Variants in TMEM132D observed in about 807,000 individuals in gnomAD.
TMEM132D encodes the protein transmembrane protein 132D, also known as mature OL transmembrane protein.
Under a neutral mutation model 62.3 loss-of-function variants are expected in TMEM132D, and 21 were observed. The ratio of observed to expected loss-of-function variants is 0.34; its 90% confidence interval spans 0.24 to 0.49. The LOEUF is 0.49. Among genes scored for constraint, TMEM132D ranks in the 20% least tolerant of loss-of-function variants. The pLI, the probability that TMEM132D is intolerant of heterozygous loss-of-function variation, is 0.99. For synonymous variants in TMEM132D, 621 were observed against 575.6 expected (o/e 1.08, Z -1.13); for missense variants, 1,346 against 1,402.8 (o/e 0.96, Z 0.65).
intron 1 of TMEM132D, among the ~76,000 whole-genome samples, chr12:129,754,986 A>T (rs780745049): frequency 3.9e-5 from 6 of 152,200 alleles, no homozygotes; most frequent in Non-Finnish European, 5.9e-5. Context: ...ATATAAAAAA[A>T]TTTTCCAAAA....
intron 3 of TMEM132D, among the ~76,000 whole-genome samples, chr12:129,500,664 A>G (rs549862871): frequency 1.3e-5 from 2 of 152,296 alleles, no homozygotes; most frequent in South Asian, 2.1e-4. Flanking sequence ...AGGCACAATG[A>G]CCCGCTTTTC....
chr12:129,594,230 A>T (rs141495623), intron 2 of TMEM132D, among the ~76,000 whole-genome samples: 1 of 152,340 alleles, frequency 6.6e-6, no homozygotes, highest in African/African-American at 2.4e-5. Flanking sequence ...TTGGCTTAGC[A>T]ACCCCATAAG....
At chr12:129,269,126 G>A (rs10847823) in intron 4 of TMEM132D, among the ~76,000 whole-genome samples, 113,358 of 151,780 alleles carry the variant, frequency 0.75, 42,343 homozygotes, top group South Asian at 0.78. Context: ...ATATGTAACA[G>A]ACCTGCACGT....
intron 3 of TMEM132D, among the ~76,000 whole-genome samples, chr12:129,485,490 G>T (rs1874554849): frequency 6.6e-6 from 1 of 152,298 alleles, no homozygotes; most frequent in African/African-American, 2.4e-5. Context: ...GTCTGCCATT[G>T]CAAGACCCTA....
intron 3 of TMEM132D, among the ~76,000 whole-genome samples, chr12:129,364,849 AAC>A (rs2135676586): frequency 6.6e-6 from 1 of 152,316 alleles, no homozygotes; most frequent in Admixed American, 6.5e-5. Flanking sequence ...TGAAGGGAAA[AAC>A]AGTCTCACCT....
intron 3 of TMEM132D, among the ~76,000 whole-genome samples, chr12:129,437,284 C>T (rs1290846002): frequency 2.6e-5 from 4 of 152,144 alleles, no homozygotes; most frequent in African/African-American, 9.7e-5. Context: ...AGAGCCTCCC[C>T]ACCATCCTGG....
intron 5 of TMEM132D, among the ~76,000 whole-genome samples, chr12:129,164,710 A>G (rs1877490017): frequency 6.6e-6 from 1 of 152,100 alleles, no homozygotes; most frequent in Non-Finnish European, 1.5e-5. Flanking sequence ...TTATAAAACC[A>G]TCAGATCTCA....
chr12:129,118,126 C>T (rs959732909), intron 5 of TMEM132D, among the ~76,000 whole-genome samples: 3 of 152,182 alleles, frequency 2.0e-5, no homozygotes, highest in Admixed American at 2.0e-4. Context: ...ATGTTCTGTG[C>T]TTTTCCCCTA....
intron 4 of TMEM132D, among the ~76,000 whole-genome samples, chr12:129,292,824 G>C (rs1881482854): frequency 6.6e-6 from 1 of 152,176 alleles, no homozygotes; most frequent in Non-Finnish European, 1.5e-5. Context: ...CCTTTTCTTG[G>C]CTTTCGATTT....
intron 3 of TMEM132D, among the ~76,000 whole-genome samples, chr12:129,395,381 A>G (rs1871393825): frequency 6.6e-6 from 1 of 152,144 alleles, no homozygotes; most frequent in South Asian, 2.1e-4. Context: ...GGCATCCACA[A>G]TTAAATTAGA....
At chr12:129,719,039 C>G (rs1868704011) in intron 1 of TMEM132D, among the ~76,000 whole-genome samples, 1 of 150,392 alleles carries the variant, frequency 6.6e-6, no homozygotes, top group African/African-American at 2.5e-5. Context: ...GAGTTTGAGA[C>G]CAGCCTGGGA....
At chr12:129,547,262 A>G (rs10847901) in intron 2 of TMEM132D, among the ~76,000 whole-genome samples, 39,097 of 151,980 alleles carry the variant, frequency 0.26, 5,152 homozygotes, top group East Asian at 0.41. Context: ...TTCTAGAGAC[A>G]GGGTCTCACT....
intron 4 of TMEM132D, among the ~76,000 whole-genome samples, chr12:129,285,217 A>C (rs2135613638): frequency 6.6e-6 from 1 of 152,212 alleles, no homozygotes; most frequent in African/African-American, 2.4e-5. Flanking sequence ...AATCAACAGG[A>C]AGATGAGAGA....
At chr12:129,549,537 C>G (rs1458190054) in intron 2 of TMEM132D, among the ~76,000 whole-genome samples, 2 of 152,184 alleles carry the variant, frequency 1.3e-5, no homozygotes, top group Non-Finnish European at 2.9e-5. Flanking sequence ...GTAAGACGTG[C>G]CTTTACTCCT....
At chr12:129,150,400 C>T (rs1877037591) in intron 5 of TMEM132D, among the ~76,000 whole-genome samples, 1 of 152,158 alleles carries the variant, frequency 6.6e-6, no homozygotes, top group African/African-American at 2.4e-5. Context: ...TACAAATCAT[C>T]TTTATAATGT....
intron 3 of TMEM132D, among the ~76,000 whole-genome samples, chr12:129,472,440 G>A (rs914550185): frequency 6.6e-6 from 1 of 152,116 alleles, no homozygotes; most frequent in Non-Finnish European, 1.5e-5. Context: ...CGTTGGGTTG[G>A]GGGGACGGGG....
intron 2 of TMEM132D, 99 bp from the exon 3 acceptor site, chr12:129,531,304 T>A: frequency 7.1e-7 from 1 of 1,416,606 alleles, no homozygotes; most frequent in Non-Finnish European, 9.4e-7. Context: ...CACCGTTGCC[T>A]GGCAGGTGTA....
In TMEM132D at chr12:129,411,924, G is replaced by A. The variant is rs541532000; in HGVS notation, c.1116-74107C>T. Among the ~76,000 whole-genome samples, 6 of 152,182 alleles carry A rather than the reference G, an allele frequency of 3.9e-5. No individual in the cohort carries two copies. The South Asian group carries it at 1.2e-3, about 32-fold the overall frequency. On this transcript the variant is annotated intron_variant, in intron 3 of 8. Transcript: ENST00000422113. ...TATATTGCATATGGTACCTTGGCCG[G>A]GTAAGATGTGAATAGGGTTGTTTAA...
intron 4 of TMEM132D, among the ~76,000 whole-genome samples, chr12:129,335,761 T>C (rs1869250675): frequency 6.6e-6 from 1 of 152,196 alleles, no homozygotes; most frequent in Admixed American, 6.5e-5. Flanking sequence ...ATTTGAGCAA[T>C]CTTTCATGCT....
Sources: gnomAD v4.1 joint callset for allele counts (sites outside exome capture counted in the v4.1 genomes callset) on GRCh38, gnomAD v4.1.1 for gene constraint, MANE v1.5 for transcripts, NCBI Gene and HGNC (gene_info 2026-07-23, HGNC 2026-07-21) for gene names.